Variants in MET observed in about 807,000 individuals in gnomAD.
MET encodes the protein MET proto-oncogene, receptor tyrosine kinase.
MET carries 48 observed loss-of-function variants against 133.1 expected under a neutral mutation model. The ratio of observed to expected loss-of-function variants is 0.36; its 90% CI spans 0.29 to 0.46. The LOEUF is 0.46. Among genes scored for constraint, MET ranks in the 20% least tolerant of loss-of-function variants. MET has a pLI of 1.00. For synonymous variants in MET, 628 were observed against 616.5 expected (o/e 1.02, Z -0.28); for missense variants, 1,442 against 1,695.9 (o/e 0.85, Z 2.63).
rs1265466188 is a variant in MET, at chr7:116,677,975, CTCTCTCTCTCTG to C, written c.-15+5410_-15+5421del. 2.8e-3 allele frequency among the ~76,000 whole-genome samples: 81 copies of C among 29,130 alleles called. No individual in the cohort carries two copies. In the African/African-American group the frequency reaches 0.034, roughly 12 times the overall value. The allele number at this position is 29,130 out of a possible 152,430, so 19.1% of individuals were successfully genotyped here. ...CCCCTTTGGAATATTGTCTTTCTCT[CTCTCTCTCTCTG>C]TCTCTCTCTCTCTCTGTCTCTGTCT... On this transcript the variant is annotated intron_variant, in intron 1 of 20. Coordinates refer to ENST00000397752, the MANE Select transcript of MET (RefSeq NM_000245.4).
rs752292538 is a variant in MET, at chr7:116,771,659, A to T, written c.2887+5A>T. ...AAAAGAGAAAGCAAATTAAAGGTGC[A>T]TTTTTGTTACTGTTCATTTTTAGAA... On this transcript the variant is annotated splice_donor_5th_base_variant and intron_variant, in intron 13 of 20. Transcript: ENST00000397752. 3 of 1,613,610 alleles carry T rather than the reference A, an allele frequency of 1.9e-6. No individual in the cohort carries two copies. The highest frequency in any genetic ancestry group is 2.2e-5 in the East Asian group (1 of 44,882).
intron 19 of MET, among the ~76,000 whole-genome samples, chr7:116,790,898 A>G (rs1584973110): frequency 1.3e-5 from 2 of 152,074 alleles, no homozygotes; most frequent in Non-Finnish European, 1.5e-5. Context: ...CCAACATGGT[A>G]AAACCCCATC....
chr7:116,776,274 G>C lies in MET; in HGVS notation c.3260-1115G>C, dbSNP rs1584958978. 1.3e-5 allele frequency among the ~76,000 whole-genome samples: 2 copies of C among 152,136 alleles called. 1 individual carries two copies. The highest frequency in any genetic ancestry group is 4.1e-4 in the South Asian group (2 of 4,832). On this transcript the variant is annotated intron_variant, in intron 15 of 20. Transcript: ENST00000397752. ...ATTCTTCTGTCAAACACCCCAGAGCGTAATCCTTTGTGTGCTCCTTCTTCC... is the reference window on the plus strand; with the variant it reads ...ATTCTTCTGTCAAACACCCCAGAGCCTAATCCTTTGTGTGCTCCTTCTTCC...
At chr7:116,773,428 G>A (rs756364068) in intron 14 of MET, among the ~76,000 whole-genome samples, 1 of 152,196 alleles carries the variant, frequency 6.6e-6, no homozygotes, top group Non-Finnish European at 1.5e-5. Flanking sequence ...ACGTTTTCAT[G>A]CCAAAGGGCT....
At chr7:116,724,818 C>T (rs1433746577) in intron 2 of MET, 1 of 1,289,198 alleles carries the variant, frequency 7.8e-7, no homozygotes, top group Admixed American at 2.3e-5. Context: ...AGCCAGAGAG[C>T]CTAGGCTTAG....
chr7:116,721,334 C>A (rs1395642953), intron 2 of MET, among the ~76,000 whole-genome samples: 1 of 152,004 alleles, frequency 6.6e-6, no homozygotes, highest in Non-Finnish European at 1.5e-5. Context: ...GTGGTGATAT[C>A]CCCTTTATCA....
At chr7:116,683,140 C>T (rs1305253671) in intron 1 of MET, among the ~76,000 whole-genome samples, 1 of 152,130 alleles carries the variant, frequency 6.6e-6, no homozygotes. Flanking sequence ...TAAACTCGTG[C>T]CACAGGGTTT....
chr7:116,722,688 A>G (rs1361337132), intron 2 of MET, among the ~76,000 whole-genome samples: 1 of 146,668 alleles, frequency 6.8e-6, no homozygotes, highest in East Asian at 2.0e-4. Flanking sequence ...TGGTGACAAA[A>G]TCTCTCAGCA....
In MET at chr7:116,757,507, G is replaced by A. The variant is rs763849125; in HGVS notation, c.1933G>A (p.Gly645Arg). 3.7e-6 allele frequency: 6 copies of A among 1,613,572 alleles called. No individual in the cohort carries two copies. Among genetic ancestry groups the A allele is most frequent in the East Asian group, 2.2e-5 (1 of 44,860 alleles). ...GTCCATAATTATTTCAAATGGCCAC[G>A]GGACAACACAATACAGTACATTCTC... ...NMSIIISNGHGTTQYSTFSYV... is the reference protein window; with the variant it reads ...NMSIIISNGHRTTQYSTFSYV... Residue 645 changes from glycine to arginine, a missense_variant, in exon 7 of 21, where the codon GGG (glycine) becomes AGG (arginine). Coordinates refer to ENST00000397752, the MANE Select transcript of MET (RefSeq NM_000245.4).
chr7:116,716,539 A>AAG (rs1299121703), intron 2 of MET, among the ~76,000 whole-genome samples: 1 of 151,196 alleles, frequency 6.6e-6, no homozygotes, highest in African/African-American at 2.4e-5. Flanking sequence ...GAAAGAAAGA[A>AAG]GATATGAACA....
At chr7:116,674,078 T>A (rs1167511848) in intron 1 of MET, among the ~76,000 whole-genome samples, 11 of 152,250 alleles carry the variant, frequency 7.2e-5, no homozygotes, top group Non-Finnish European at 1.6e-4. Flanking sequence ...AGTTATTAAC[T>A]TAAATATATT....
rs587780548 is a variant in MET, at chr7:116,699,860, T to C, written c.776T>C (p.Ile259Thr). ...YVHAFESNNF[I>T]YFLTVQRETL... The stretch of plus-strand genomic sequence containing the variant: ...CATGCCTTTGAAAGCAACAATTTTA[T>C]TTACTTCTTGACGGTCCAAAGGGAA... The change falls in exon 2 of 21, where the codon ATT becomes ACT. Residue 259 changes from isoleucine to threonine, a missense_variant. By Grantham distance (89) the Ile-to-Thr change is moderately conservative. Transcript: ENST00000397752. The C allele has an allele frequency of 1.2e-6, 2 of 1,614,028 alleles. No homozygotes were observed. Among genetic ancestry groups the C allele is most frequent in the African/African-American group, 2.7e-5 (2 of 74,930 alleles).
At chr7:116,773,518 C>CTAA (rs1357128457) in intron 14 of MET, among the ~76,000 whole-genome samples, 6 of 152,136 alleles carry the variant, frequency 3.9e-5, no homozygotes, top group Non-Finnish European at 8.8e-5. Flanking sequence ...GATGCAAAGG[C>CTAA]TTTAGGAAGT....
At position 116,672,324 on chromosome 7, in the gene MET, C is replaced by A. The variant is rs1375151564; in HGVS notation, c.-268C>A. The A allele has an allele frequency of 3.6e-6, 1 of 275,628 alleles. No individual in the cohort carries two copies. The highest frequency in any genetic ancestry group is 6.7e-6 in the Non-Finnish European group (1 of 148,256). 17.1% of individuals were successfully genotyped at this position (275,628 alleles called of 1,614,324 possible). A position where few individuals can be genotyped will look rare whatever the true frequency, so the allele number is the denominator to read the frequency against. On this transcript the variant is annotated 5_prime_UTR_variant, in exon 1 of 21. Transcript: ENST00000397752. ...CGGCTGAGTCACTGGCAGGGCAGCG[C>A]GCGTGTGGGAAGGGGCGGAGGGAGT...
Position 116,740,054 on chromosome 7 carries a change from T to C in MET, c.1497T>C (p.Asn499=), listed in dbSNP as rs199922867. The C allele has an allele frequency of 7.7e-5, 124 of 1,614,026 alleles. No individual in the cohort carries two copies. The highest frequency in any genetic ancestry group is 1.0e-4 in the Non-Finnish European group (122 of 1,180,010). Residue 499 remains asparagine (N), a synonymous_variant, in exon 4 of 21, where the codon AAT becomes AAC. Transcript: ENST00000397752. ...EVIVEHTLNQ[N]GYTLVITGKK... ...TTGTGGAGCATACATTAAACCAAAA[T>C]GGCTACACACTGGTTATCACTGGGA...
intron 11 of MET, 56 bp from the exon 12 acceptor site, chr7:116,769,589 G>A (rs1424563606): frequency 4.4e-6 from 7 of 1,594,436 alleles, no homozygotes; most frequent in Non-Finnish European, 6.0e-6. Flanking sequence ...GCCATTGTTA[G>A]CATTCCTGCA....
chr7:116,792,055 G>A (rs1795517196), intron 19 of MET, among the ~76,000 whole-genome samples: 1 of 151,538 alleles, frequency 6.6e-6, no homozygotes, highest in Non-Finnish European at 1.5e-5. Context: ...AATTTTATCA[G>A]TTTACCAATT....
rs1584914359 is a variant in MET at position 116,731,848 on chromosome 7, C to G, written c.1381C>G (p.Arg461Gly). The change falls in exon 3 of 21, where the codon CGC becomes GGC. Residue 461 changes from arginine to glycine, a missense_variant. Coordinates refer to ENST00000397752, the MANE Select transcript of MET (RefSeq NM_000245.4). Reference sequence around the variant, plus strand: ...AGCTAATCTTGGGACATCAGAGGGTCGCTTCATGCAGGTAAGTGCTTTCTG... The same window carrying G: ...AGCTAATCTTGGGACATCAGAGGGTGGCTTCATGCAGGTAAGTGCTTTCTG... The part of the protein sequence containing the change: ...TIANLGTSEG[R>G]FMQVVVSRSG... 1 of 1,613,940 alleles carries G rather than the reference C, an allele frequency of 6.2e-7. No homozygotes were observed. Among genetic ancestry groups the G allele is most frequent in the South Asian group, 1.1e-5 (1 of 91,058 alleles).
rs1795998058 is a variant in MET at position 116,672,224 on chromosome 7, G to T, written c.-368G>T. 6.6e-6 allele frequency among the ~76,000 whole-genome samples: 1 copy of T among 151,786 alleles called. No individual in the cohort carries two copies. The highest frequency in any genetic ancestry group is 2.4e-5 in the African/African-American group (1 of 41,404). On this transcript the variant is annotated 5_prime_UTR_variant, in exon 1 of 21. Coordinates refer to ENST00000397752, the MANE Select transcript of MET (RefSeq NM_000245.4). ...CACGTGCTGGGGCGGGCAGGCGAGCGCCTCAGTCTGGTCGCCTGGCGGTGC... is the reference window on the plus strand; with the variant it reads ...CACGTGCTGGGGCGGGCAGGCGAGCTCCTCAGTCTGGTCGCCTGGCGGTGC...
Sources: allele counts gnomAD v4.1 joint callset (sites outside exome capture counted in the v4.1 genomes callset), GRCh38; gene constraint gnomAD v4.1.1; transcripts MANE v1.5; gene names NCBI Gene and HGNC (gene_info 2026-07-23, HGNC 2026-07-21).